Variants in PHLDB3 observed in about 807,000 individuals in gnomAD.
PHLDB3 encodes pleckstrin homology-like domain family B member 3.
Under a neutral mutation model 85.7 loss-of-function variants are expected in PHLDB3, and 86 were observed. That is an observed-to-expected ratio of 1.00 (90% CI 0.84 to 1.20). The LOEUF (loss-of-function observed/expected upper bound fraction) is 1.20, where lower values mean the gene tolerates loss of function less well. Ranked by LOEUF, PHLDB3 falls within the 50% of genes most tolerant of loss-of-function variation. PHLDB3 has a pLI of 0.00. For missense variants in PHLDB3, 995 were observed against 873.0 expected, an observed-to-expected ratio of 1.14 and a Z score of -1.76; for synonymous variants, 376 against 349.8, an observed-to-expected ratio of 1.07 and a Z score of -0.83.
intron 6 of PHLDB3, 67 bp downstream of exon 6, chr19:43,497,051 G>T: frequency 7.4e-7 from 1 of 1,343,082 alleles, no homozygotes; most frequent in Non-Finnish European, 9.6e-7. Flanking sequence ...AGAGAAAAAG[G>T]CAGGCACAGA....
At chr19:43,502,374 G>A (rs1971630180) in intron 2 of PHLDB3, 91 bp from the exon 3 acceptor site, 4 of 1,289,398 alleles carry the variant, frequency 3.1e-6, no homozygotes, top group South Asian at 1.5e-5. Flanking sequence ...CACCCTCTGC[G>A]GGTCTCAGTC....
chr19:43,479,516 G>A lies in PHLDB3; in HGVS notation c.1563C>T (p.Asn521=). ...LRQHLEGWGH[N]PENCPHVQVS... is the part of the protein sequence containing the mutation. ...CCTGCACATGTGGGCAGTTTTCCGG[G>A]TTGTGGCCCCATCCCTCCAGATGCT... Residue 521 remains asparagine (N), a synonymous_variant, in exon 14 of 16, where the codon AAC becomes AAT. Coordinates refer to ENST00000292140, the MANE Select transcript of PHLDB3 (RefSeq NM_198850.4). 7.2e-7 allele frequency: 1 copy of A among 1,388,582 alleles called. No homozygotes were observed. The highest frequency in any genetic ancestry group is 9.6e-7 in the Non-Finnish European group (1 of 1,044,718). 86.0% of individuals were successfully genotyped at this position (1,388,582 alleles called of 1,614,324 possible).
intron 9 of PHLDB3, among the ~76,000 whole-genome samples, chr19:43,487,574 C>CTAAAAAAAAAAAAAAAA (rs1971202538): frequency 2.6e-5 from 1 of 38,532 alleles, no homozygotes; most frequent in African/African-American, 1.0e-4. Flanking sequence ...GACTCTGTCT[C>CTAAAAAAAAAAAAAAAA]AAAAAAAAAA....
rs1971436702 is a variant in PHLDB3 at position 43,495,572 on chromosome 19, A to G, written c.874T>C (p.Ser292Pro). ...TCGGCTGCCATCTGCTCCCCCAGTGACTTGAGCTGCTCTTCCAGGACCCGG... is the reference window on the plus strand; with the variant it reads ...TCGGCTGCCATCTGCTCCCCCAGTGGCTTGAGCTGCTCTTCCAGGACCCGG... ...RIRVLEEQLK[S>P]LGEQMAAESR... The change falls in exon 7 of 16, where the codon TCA becomes CCA. Residue 292 changes from serine to proline, a missense_variant. By Grantham distance (74) the Ser-to-Pro change is moderately conservative. Transcript: ENST00000292140. 2.5e-6 allele frequency: 4 copies of G among 1,610,662 alleles called. No individual in the cohort carries two copies. In the East Asian group the frequency reaches 8.9e-5, roughly 36 times the overall value.
chr19:43,478,905 ACT>A (rs1374732578), intron 14 of PHLDB3, among the ~76,000 whole-genome samples: 3 of 151,700 alleles, frequency 2.0e-5, no homozygotes, highest in African/African-American at 2.4e-5. Context: ...ACAGAGCAAG[ACT>A]CTGTCTCCAA....
intron 9 of PHLDB3, among the ~76,000 whole-genome samples, chr19:43,489,371 T>TG (rs1491030867): frequency 6.1e-5 from 2 of 32,972 alleles, no homozygotes; most frequent in East Asian, 4.2e-4. Context: ...CTCTTAAAGT[T>TG]TTTTTTTTTT....
intron 13 of PHLDB3, among the ~76,000 whole-genome samples, chr19:43,483,505 C>T (rs1055500977): frequency 8.5e-5 from 13 of 152,122 alleles, no homozygotes; most frequent in South Asian, 2.1e-4. Context: ...TCTCCAGCTC[C>T]GGGACTCAAG....
intron 13 of PHLDB3, among the ~76,000 whole-genome samples, chr19:43,481,472 G>C (rs1346799302): frequency 5.3e-5 from 8 of 152,162 alleles, no homozygotes; most frequent in Admixed American, 2.6e-4. Context: ...TACAAAATTA[G>C]CCAGGCGTGG....
intron 1 of PHLDB3, 125 bp from the exon 2 acceptor site, chr19:43,504,257 G>C (rs1971699690): frequency 5.7e-6 from 5 of 879,156 alleles, no homozygotes; most frequent in Non-Finnish European, 6.7e-6. Context: ...TCAAAGGATG[G>C]AACTGAGCGT....
At chr19:43,498,156 AGGGG>A (rs1414233685) in intron 4 of PHLDB3, among the ~76,000 whole-genome samples, 1 of 152,026 alleles carries the variant, frequency 6.6e-6, no homozygotes, top group Non-Finnish European at 1.5e-5. Context: ...TGGGCAACAT[AGGGG>A]GAGCCCATCT....
intron 4 of PHLDB3, among the ~76,000 whole-genome samples, chr19:43,500,197 C>A (rs983166491): frequency 1.3e-5 from 2 of 152,056 alleles, no homozygotes; most frequent in African/African-American, 4.8e-5. Context: ...CAAGATCACG[C>A]CATTGCACTC....
At chr19:43,503,870 C>A (rs1299554753) in intron 2 of PHLDB3, 36 bp downstream of exon 2, 2 of 1,612,142 alleles carry the variant, frequency 1.2e-6, no homozygotes, top group South Asian at 1.1e-5. Flanking sequence ...CCCCGTCGGT[C>A]CAAGCCCCCC....
At chr19:43,492,325 G>A (rs1266057750) in intron 9 of PHLDB3, among the ~76,000 whole-genome samples, 1 of 152,008 alleles carries the variant, frequency 6.6e-6, no homozygotes, top group Non-Finnish European at 1.5e-5. Context: ...GTCCTCAAGG[G>A]ATCCACCCAC....
At position 43,504,053 on chromosome 19, in the gene PHLDB3, C is replaced by G. The variant is rs768578135; in HGVS notation, c.66G>C (p.Glu22Asp). 3 of 1,613,750 alleles carry G rather than the reference C, an allele frequency of 1.9e-6. No individual in the cohort carries two copies. Among genetic ancestry groups the G allele is most frequent in the Non-Finnish European group, 2.5e-6 (3 of 1,179,754 alleles). Residue 22 changes from glutamate to aspartate, a missense_variant, in exon 2 of 16, where the codon GAG (glutamate) becomes GAC (aspartate). Transcript: ENST00000292140. Reference sequence around the variant, plus strand: ...CCTCGGGATGGCCCTGGGGCTGGACCTCCACGTCGCATTCCGGGACCAGCG... The same window carrying G: ...CCTCGGGATGGCCCTGGGGCTGGACGTCCACGTCGCATTCCGGGACCAGCG... ...PPPLVPECDV[E>D]VQPQGHPEES...
Position 43,486,305 on chromosome 19 carries a change from G to T in PHLDB3, c.1446C>A (p.Gly482=). Residue 482 remains glycine (G), a synonymous_variant, in exon 13 of 16, where the codon GGC becomes GGA. Coordinates refer to ENST00000292140, the MANE Select transcript of PHLDB3 (RefSeq NM_198850.4). The part of the protein sequence containing the change: ...LLKAREGTRR[G]TEGSSGPAVP... The stretch of plus-strand genomic sequence containing the variant: ...CAGCAGGGCCTGAGGAACCTTCCGT[G>T]CCCCTTCTTGTTCCTTCCTGTGGAT... 6.2e-7 allele frequency: 1 copy of T among 1,608,618 alleles called. No individual in the cohort carries two copies. Among genetic ancestry groups the T allele is most frequent in the Non-Finnish European group, 8.5e-7 (1 of 1,177,922 alleles).
rs1371906088 is a variant in PHLDB3, at chr19:43,486,609, C to T, written c.1428G>A (p.Arg476=). 2 of 1,612,252 alleles carry T rather than the reference C, an allele frequency of 1.2e-6. No individual in the cohort carries two copies. Among genetic ancestry groups the T allele is most frequent in the South Asian group, 2.2e-5 (2 of 90,872 alleles). ...MAERERLLKA[R]EGTRRGTEGS... is the part of the protein sequence containing the mutation. Reference sequence around the variant, plus strand: ...CGAAGAGGATGGCCTGGGCTCTCACCCGGGCCTTGAGCAGCCGCTCCCTCT... The same window carrying T: ...CGAAGAGGATGGCCTGGGCTCTCACTCGGGCCTTGAGCAGCCGCTCCCTCT... Residue 476 remains arginine (R), a splice_region_variant and synonymous_variant, in exon 12 of 16, where the codon CGG becomes CGA. Transcript: ENST00000292140.
In PHLDB3 at chr19:43,486,802, G is replaced by A. The variant is rs1971173932; in HGVS notation, c.1318C>T (p.Leu440=). The A allele has an allele frequency of 1.3e-6, 2 of 1,597,016 alleles. No homozygotes were observed. The highest frequency in any genetic ancestry group is 1.1e-5 in the South Asian group (1 of 88,484). Residue 440 remains leucine (L), a synonymous_variant, in exon 11 of 16, where the codon CTG becomes TTG. Transcript: ENST00000292140. ...DSGRYPLYQL[L]NCGRGNSCGA... The stretch of plus-strand genomic sequence containing the variant: ...CACCTATTCCCACGGCCACAGTTCA[G>A]CAGCTGGTAGAGGGGGTATCTGCCG...
intron 13 of PHLDB3, among the ~76,000 whole-genome samples, chr19:43,479,898 GGCA>G (rs1322208793): frequency 3.3e-5 from 5 of 152,030 alleles, no homozygotes; most frequent in African/African-American, 4.8e-5. Context: ...AGAGCTTCTA[GGCA>G]GCAGAACTGG....
At chr19:43,487,591 A>AAAAAAAAAAAAAAAAAAAAAACC (rs1167897767) in intron 9 of PHLDB3, among the ~76,000 whole-genome samples, 1 of 115,770 alleles carries the variant, frequency 8.6e-6, no homozygotes, top group African/African-American at 3.1e-5. Context: ...AAAAAAAAAA[A>AAAAAAAAAAAAAAAAAAAAAACC]ACACAGAAAA....
Sources: allele counts gnomAD v4.1 joint callset (sites outside exome capture counted in the v4.1 genomes callset), GRCh38; gene constraint gnomAD v4.1.1; transcripts MANE v1.5; gene names NCBI Gene and HGNC (gene_info 2026-07-23, HGNC 2026-07-21).